Variants in PKP4 observed in about 807,000 individuals in gnomAD.
The protein encoded by PKP4 is plakophilin-4.
In PKP4, 90 loss-of-function variants were observed where a neutral mutation model predicts 145.1. The ratio of observed to expected loss-of-function variants is 0.62; its 90% CI spans 0.52 to 0.74. The LOEUF is 0.74. Among genes scored for constraint, PKP4 ranks in the 30% least tolerant of loss-of-function variants. The pLI, the probability that PKP4 is intolerant of heterozygous loss-of-function variation, is 0.00. For synonymous variants in PKP4, 563 were observed against 577.2 expected, an observed-to-expected ratio of 0.98 and a Z score of 0.35; for missense variants, 1,340 against 1,482.7, an observed-to-expected ratio of 0.90 and a Z score of 1.58.
chr2:158,633,327 A>G (rs116881121), intron 8 of PKP4, among the ~76,000 whole-genome samples: 1 of 152,366 alleles, frequency 6.6e-6, no homozygotes, highest in East Asian at 1.9e-4. Flanking sequence ...TAGAACAATT[A>G]AGTAAAATAA....
chr2:158,571,780 G>A (rs557453048), intron 2 of PKP4, among the ~76,000 whole-genome samples: 1 of 152,178 alleles, frequency 6.6e-6, no homozygotes, highest in East Asian at 1.9e-4. Flanking sequence ...GGAGGCCACA[G>A]GAGGATGAAG....
chr2:158,669,628 T>G, intron 16 of PKP4, 92 bp from the exon 17 acceptor site: 1 of 1,056,698 alleles, frequency 9.5e-7, no homozygotes, highest in Non-Finnish European at 1.3e-6. Context: ...GGGGTTTTAT[T>G]TTTAAGAGAT....
Position 158,631,940 on chromosome 2 carries a change from A to G in PKP4, c.1341A>G (p.Ser447=). The G allele has an allele frequency of 1.2e-6, 2 of 1,613,252 alleles. No homozygotes were observed. Among genetic ancestry groups the G allele is most frequent in the East Asian group, 2.2e-5 (1 of 44,886 alleles). Reference sequence around the variant, plus strand: ...AGACGGCGTTGTATCGCACAGGTTCAGGTGGGCATCAACTCTGTTTACTGG... The same window carrying G: ...AGACGGCGTTGTATCGCACAGGTTCGGGTGGGCATCAACTCTGTTTACTGG... ...GSQTALYRTG[S]VGIGNLQRTS... The change falls in exon 8 of 22, where the codon TCA becomes TCG. Residue 447 remains serine (S), a splice_region_variant and synonymous_variant. Transcript: ENST00000389759.
At chr2:158,564,792 T>G (rs2046837661) in intron 2 of PKP4, among the ~76,000 whole-genome samples, 1 of 152,222 alleles carries the variant, frequency 6.6e-6, no homozygotes, top group Non-Finnish European at 1.5e-5. Flanking sequence ...AATCTAGCTT[T>G]GTTTTCTCTA....
At chr2:158,662,600 G>A (rs2056703088) in intron 13 of PKP4, 1 of 222,392 alleles carries the variant, frequency 4.5e-6, no homozygotes. Context: ...AAGCATCATG[G>A]GTGCAGTCTG....
At chr2:158,517,405 C>G (rs1331018747) in intron 1 of PKP4, among the ~76,000 whole-genome samples, 1 of 152,152 alleles carries the variant, frequency 6.6e-6, no homozygotes, top group East Asian at 1.9e-4. Context: ...CTCTTTTGAG[C>G]CCCTGCCATC....
At chr2:158,460,733 G>A (rs1689634443) in intron 1 of PKP4, among the ~76,000 whole-genome samples, 1 of 152,042 alleles carries the variant, frequency 6.6e-6, no homozygotes, top group Admixed American at 6.5e-5. Context: ...GTTATTTTAG[G>A]GCATAAATGC....
chr2:158,571,462 C>T (rs1017864782), intron 2 of PKP4, among the ~76,000 whole-genome samples: 3 of 152,130 alleles, frequency 2.0e-5, no homozygotes, highest in Non-Finnish European at 4.4e-5. Flanking sequence ...GAGCCAGGAG[C>T]ACACCATCTC....
At chr2:158,518,030 A>T (rs2042070983) in intron 1 of PKP4, among the ~76,000 whole-genome samples, 1 of 152,200 alleles carries the variant, frequency 6.6e-6, no homozygotes, top group Non-Finnish European at 1.5e-5. Context: ...TATTTCAGGT[A>T]GTATTGACTT....
At chr2:158,542,431 T>C (rs368665358) in intron 2 of PKP4, among the ~76,000 whole-genome samples, 18 of 152,168 alleles carry the variant, frequency 1.2e-4, no homozygotes, top group African/African-American at 4.3e-4. Context: ...ATGAAAAATA[T>C]TTGTGTATTT....
intron 1 of PKP4, among the ~76,000 whole-genome samples, chr2:158,496,744 C>G (rs1695770837): frequency 6.8e-6 from 1 of 147,204 alleles, no homozygotes; most frequent in Non-Finnish European, 1.5e-5. Flanking sequence ...CTCACTCTCT[C>G]TCGCCTTCTC....
intron 2 of PKP4, among the ~76,000 whole-genome samples, chr2:158,534,083 AT>A (rs1298741826): frequency 6.6e-6 from 1 of 152,136 alleles, no homozygotes; most frequent in Admixed American, 6.5e-5. Context: ...TTTTGTTGAA[AT>A]AATCTAAGAT....
At chr2:158,632,124 T>A (rs1324370342) in intron 8 of PKP4, among the ~76,000 whole-genome samples, 183 bp downstream of exon 8, 1 of 152,242 alleles carries the variant, frequency 6.6e-6, no homozygotes, top group Non-Finnish European at 1.5e-5. Flanking sequence ...TTATAGGTGA[T>A]ATATTTTTAC....
chr2:158,462,029 A>C (rs962078233), intron 1 of PKP4, among the ~76,000 whole-genome samples: 1 of 152,246 alleles, frequency 6.6e-6, no homozygotes, highest in Non-Finnish European at 1.5e-5. Flanking sequence ...AAGTGAGGCT[A>C]TCAGGGTACT....
intron 1 of PKP4, among the ~76,000 whole-genome samples, chr2:158,488,050 T>G (rs1694425198): frequency 6.6e-6 from 1 of 152,228 alleles, no homozygotes. Flanking sequence ...AGACCCTTTA[T>G]GTTTTTCAAT....
intron 1 of PKP4, among the ~76,000 whole-genome samples, chr2:158,528,992 C>G (rs1272130953): frequency 6.6e-6 from 1 of 152,182 alleles, no homozygotes; most frequent in Non-Finnish European, 1.5e-5. Flanking sequence ...GTGTTGGCCT[C>G]AAGATTTAGA....
In PKP4 at chr2:158,631,804, G is replaced by C; in HGVS notation, c.1205G>C (p.Arg402Pro). The change falls in exon 8 of 22, where the codon CGT becomes CCT. Residue 402 changes from arginine (R) to proline (P), a missense_variant. Coordinates refer to ENST00000389759, the MANE Select transcript of PKP4 (RefSeq NM_003628.6). ...SQHSQLGQDL[R>P]SAVSPDLHIT... ...CATAGTCAGCTTGGGCAAGACCTTC[G>C]TTCTGCCGTGTCTCCCGACTTGCAC... The C allele has an allele frequency of 6.2e-7, 1 of 1,614,088 alleles. No homozygotes were observed. Among genetic ancestry groups the C allele is most frequent in the Non-Finnish European group, 8.5e-7 (1 of 1,180,006 alleles).
intron 1 of PKP4, among the ~76,000 whole-genome samples, chr2:158,482,302 C>T (rs1214183976): frequency 6.6e-6 from 1 of 152,164 alleles, no homozygotes; most frequent in African/African-American, 2.4e-5. Flanking sequence ...TCCTCCCTGC[C>T]TCCATTCTTT....
At chr2:158,622,552 A>G (rs1371063851) in intron 6 of PKP4, among the ~76,000 whole-genome samples, 1 of 152,200 alleles carries the variant, frequency 6.6e-6, no homozygotes, top group East Asian at 1.9e-4. Context: ...ACTGCAATAC[A>G]GGAAGCTCTA....
Sources: allele counts gnomAD v4.1 joint callset (sites outside exome capture counted in the v4.1 genomes callset), GRCh38; gene constraint gnomAD v4.1.1; transcripts MANE v1.5; gene names NCBI Gene and HGNC (gene_info 2026-07-23, HGNC 2026-07-21).